The following SEMA4A variants were observed in gnomAD, a reference collection of about 807,000 sequenced individuals.
SEMA4A encodes the protein semaphorin-4A.
SEMA4A carries 52 observed loss-of-function variants against 72.5 expected under a neutral mutation model. The observed-to-expected ratio is 0.72, with a 90% CI of 0.57 to 0.90. The LOEUF (loss-of-function observed/expected upper bound fraction) is 0.90. Ranked by LOEUF, SEMA4A falls within the 40% of genes least tolerant of loss-of-function variation. The probability of loss-of-function intolerance (pLI) is 0.00; values close to 1 mark genes in which losing one functional copy is unlikely to be tolerated. For synonymous variants in SEMA4A, 369 were observed against 393.1 expected (o/e 0.94, Z 0.73); for missense variants, 926 against 959.7 (o/e 0.96, Z 0.46).
intron 6 of SEMA4A, among the ~76,000 whole-genome samples, chr1:156,159,861 C>T (rs978840715): frequency 2.7e-5 from 4 of 146,664 alleles, no homozygotes; most frequent in Admixed American, 2.1e-4. Flanking sequence ...GTCAAGGCTA[C>T]GGTGAGTTGT....
chr1:156,168,367 G>A (rs1254982855), intron 10 of SEMA4A, among the ~76,000 whole-genome samples: 5 of 151,864 alleles, frequency 3.3e-5, no homozygotes, highest in Non-Finnish European at 4.4e-5. Context: ...GATTATAGGC[G>A]CCCACCACCA....
chr1:156,164,297 G>A (rs1015128034), intron 10 of SEMA4A, among the ~76,000 whole-genome samples: 1 of 152,104 alleles, frequency 6.6e-6, no homozygotes, highest in African/African-American at 2.4e-5. Context: ...TAAATAACAT[G>A]ATTTATTGCT....
chr1:156,173,937 C>G (rs1054670204), intron 11 of SEMA4A, among the ~76,000 whole-genome samples: 2 of 152,074 alleles, frequency 1.3e-5, no homozygotes, highest in African/African-American at 4.8e-5. Context: ...TTGTGAAACC[C>G]GTTTCTACTA....
chr1:156,161,181 T>G (rs1572399752), intron 8 of SEMA4A, 152 bp downstream of exon 8: 1 of 305,436 alleles, frequency 3.3e-6, no homozygotes, highest in Non-Finnish European at 5.6e-6. Flanking sequence ...ACAGCGGGGC[T>G]GGGCGGGTGG....
chr1:156,158,350 C>A, intron 4 of SEMA4A, 38 bp from the exon 5 acceptor site: 1 of 1,536,926 alleles, frequency 6.5e-7, no homozygotes, highest in South Asian at 1.1e-5. Flanking sequence ...CAATTTGAGT[C>A]AGGTGGCCTG....
At chr1:156,176,150 C>T (rs1265524811) in intron 14 of SEMA4A, among the ~76,000 whole-genome samples, 1 of 152,038 alleles carries the variant, frequency 6.6e-6, no homozygotes, top group African/African-American at 2.4e-5. Context: ...CGTGGAAACA[C>T]ATGCCTGTAG....
At chr1:156,174,703 C>T (rs886892058) in intron 11 of SEMA4A, 119 bp from the exon 12 acceptor site, 33 of 1,195,590 alleles carry the variant, frequency 2.8e-5, no homozygotes, top group Non-Finnish European at 3.4e-5. Flanking sequence ...CTGGCTGACC[C>T]GCGCCCAGTA....
chr1:156,161,313 C>CCCCG, intron 8 of SEMA4A, 33 bp from the exon 9 acceptor site: 8 of 757,756 alleles, frequency 1.1e-5, no homozygotes, highest in East Asian at 8.5e-5. Flanking sequence ...TCGGGGCGCC[C>CCCCG]GGGGCGCCCC....
rs1232646439 is a variant in SEMA4A, at chr1:156,158,829, G to A, written c.568+5G>A. On this transcript the variant is annotated splice_donor_5th_base_variant and intron_variant, in intron 6 of 14. Transcript: ENST00000368285. ...AGCATACGGCTGTCTTGGTGGGTGA[G>A]TATCAGGTTTCCCACTTCATCCCAA... 1.9e-6 allele frequency: 3 copies of A among 1,607,060 alleles called. No homozygotes were observed. Among genetic ancestry groups the A allele is most frequent in the Non-Finnish European group, 2.6e-6 (3 of 1,173,880 alleles).
intron 9 of SEMA4A, among the ~76,000 whole-genome samples, chr1:156,162,328 C>G (rs1325670762): frequency 1.3e-5 from 2 of 152,188 alleles, no homozygotes; most frequent in Non-Finnish European, 2.9e-5. Flanking sequence ...GTCCAAGGTC[C>G]CCGAGTCATG....
At chr1:156,168,731 A>C (rs753739303) in intron 10 of SEMA4A, among the ~76,000 whole-genome samples, 9 of 152,122 alleles carry the variant, frequency 5.9e-5, no homozygotes, top group Non-Finnish European at 1.3e-4. Context: ...GTCACCACTG[A>C]GGGTGGTCTG....
chr1:156,156,654 A>G lies in SEMA4A; in HGVS notation c.300+80A>G, dbSNP rs557209966. On this transcript the variant is annotated intron_variant, in intron 3 of 14. Coordinates refer to ENST00000368285, the MANE Select transcript of SEMA4A (RefSeq NM_022367.4). ...CTACCCTGGGCTTGGCTGCCTGTGC[A>G]TGAATAACTTAGTTGCTGTTATCTG... The G allele has an allele frequency of 1.4e-5, 20 of 1,385,446 alleles. No individual in the cohort carries two copies. The African/African-American group carries it at 2.0e-4, about 14-fold the overall frequency. The allele number at this position is 1,385,446 out of a possible 1,614,324, so 85.8% of individuals were successfully genotyped here.
Position 156,171,822 on chromosome 1 carries a change from C to T in SEMA4A, c.1135-1004C>T, listed in dbSNP as rs566200548. 1.3e-3 allele frequency among the ~76,000 whole-genome samples: 201 copies of T among 151,644 alleles called. 4 individuals carry two copies. Among genetic ancestry groups the T allele is most frequent in the Admixed American group, 1.9e-3 (29 of 15,246 alleles). On this transcript the variant is annotated intron_variant, in intron 10 of 14. Transcript: ENST00000368285. ...TTTTTGAGACCGAGTCTCACTCTGT[C>T]GCCCAAGCTGGAGTGCAGTGGCGCA... is the stretch of plus-strand genomic sequence containing the variant.
At chr1:156,156,180 G>A (rs368818747) in intron 2 of SEMA4A, 22 of 533,972 alleles carry the variant, frequency 4.1e-5, no homozygotes, top group East Asian at 2.8e-4. Flanking sequence ...TTTATTTCCC[G>A]TCCCCATTAC....
chr1:156,164,841 C>T (rs1334867117), intron 10 of SEMA4A, among the ~76,000 whole-genome samples: 1 of 151,938 alleles, frequency 6.6e-6, no homozygotes, highest in African/African-American at 2.4e-5. Flanking sequence ...CACTCTGTCG[C>T]CCAAGCTGGA....
chr1:156,177,351 C>T lies in SEMA4A; in HGVS notation c.*354C>T. On this transcript the variant is annotated 3_prime_UTR_variant, in exon 15 of 15. Transcript: ENST00000368285. The stretch of plus-strand genomic sequence containing the variant: ...AGAGACCCTAAAAAACCTGCCTGTC[C>T]CAGGACCCTATGGTAATGAACACCA... 2.6e-6 allele frequency: 1 copy of T among 392,094 alleles called. No individual in the cohort carries two copies. Among genetic ancestry groups the T allele is most frequent in the South Asian group, 2.3e-5 (1 of 42,924 alleles). The allele number at this position is 392,094 out of a possible 1,614,324, so 24.3% of individuals were successfully genotyped here. A position where few individuals can be genotyped will look rare whatever the true frequency, so the allele number is the denominator to read the frequency against.
rs1654479403 is a variant in SEMA4A at position 156,169,373 on chromosome 1, T to C, written c.1135-3453T>C. 3.3e-5 allele frequency among the ~76,000 whole-genome samples: 5 copies of C among 149,262 alleles called. No individual in the cohort carries two copies. In the South Asian group the frequency reaches 1.1e-3, roughly 32 times the overall value. ...TTGCATTTCTCTCTTGTTCTCCCCATCCCTCCCTCATCTAGGTTTATGTCT... is the reference window on the plus strand; with the variant it reads ...TTGCATTTCTCTCTTGTTCTCCCCACCCCTCCCTCATCTAGGTTTATGTCT... On this transcript the variant is annotated intron_variant, in intron 10 of 14. Transcript: ENST00000368285.
rs1416399868 is a variant in SEMA4A at position 156,174,895 on chromosome 1, C to A, written c.1389C>A (p.Phe463Leu). The A allele has an allele frequency of 6.2e-7, 1 of 1,614,170 alleles. No homozygotes were observed. The highest frequency in any genetic ancestry group is 1.3e-5 in the African/African-American group (1 of 75,036). ...ATCTGGTGGAAGAGATTCAGCTGTT[C>A]CCTGACCCTGAACCTGTTCGCAACC... ...SAHLVEEIQL[F>L]PDPEPVRNLQ... The change falls in exon 12 of 15, where the codon TTC (phenylalanine) becomes TTA (leucine). Residue 463 changes from phenylalanine (F) to leucine (L), a missense_variant. By Grantham distance (22) the Phe-to-Leu change is conservative. Coordinates refer to ENST00000368285, the MANE Select transcript of SEMA4A (RefSeq NM_022367.4).
intron 10 of SEMA4A, 47 bp from the exon 11 acceptor site, chr1:156,172,779 T>A (rs768518368): frequency 1.3e-6 from 2 of 1,561,558 alleles, no homozygotes; most frequent in East Asian, 4.5e-5. Flanking sequence ...GAGGGTGAGC[T>A]GAGGGGAAGG....
Sources: gnomAD v4.1 joint callset for allele counts (sites outside exome capture counted in the v4.1 genomes callset) on GRCh38, gnomAD v4.1.1 for gene constraint, MANE v1.5 for transcripts, NCBI Gene and HGNC (gene_info 2026-07-23, HGNC 2026-07-21) for gene names.